The following BCOR variants were observed in gnomAD, a reference collection of about 807,000 sequenced individuals.
BCOR encodes BCL6 corepressor.
A neutral mutation model predicts 86.7 loss-of-function variants in BCOR; 10 were observed. The observed-to-expected ratio is 0.12, with a 90% confidence interval of 0.07 to 0.20. The LOEUF is 0.20. Among genes scored for constraint, BCOR ranks in the 10% least tolerant of loss-of-function variants. The probability of loss-of-function intolerance (pLI) is 1.00; values close to 1 mark genes in which losing one functional copy is unlikely to be tolerated. For synonymous variants in BCOR, 611 were observed against 609.0 expected (o/e 1.00, Z -0.05); for missense variants, 1,259 against 1,452.1 (o/e 0.87, Z 2.16).
intron 2 of BCOR, 148 bp from the exon 3 acceptor site, chrX:40,076,680 T>C: frequency 2.2e-6 from 1 of 462,081 alleles, no homozygotes. Context: ...ATGGCCCATA[T>C]TGAAAGTCGC....
At position 40,107,025 on chromosome X, in the gene BCOR, G is replaced by A. The variant is rs1434912470; in HGVS notation, c.-40-29056C>T. 2.7e-5 allele frequency among the ~76,000 whole-genome samples: 3 copies of A among 112,059 alleles called. No homozygotes were observed. In the East Asian group the frequency reaches 8.4e-4, roughly 31 times the overall value. On this transcript the variant is annotated intron_variant, in intron 1 of 14. Coordinates refer to the BCOR transcript ENST00000342274. ...CGAGGTTTTGGCACTCGATGACCTT[G>A]CTCCCTGCAGCCCCGACTTACCTCT...
chrX:40,102,588 G>C (rs916055697), upstream of BCOR, among the ~76,000 whole-genome samples: 3 of 113,944 alleles, frequency 2.6e-5, no homozygotes, highest in Non-Finnish European at 5.6e-5. Flanking sequence ...GAACCGCCGG[G>C]AGAGGGGGCG....
At position 40,073,086 on chromosome X, in the gene BCOR, G is replaced by A. The variant is rs373753191; in HGVS notation, c.2260C>T (p.Arg754Cys). The change falls in exon 4 of 15, where the codon CGT becomes TGT. Residue 754 changes from arginine (R) to cysteine (C), a missense_variant. Coordinates refer to ENST00000378444, the MANE Select transcript of BCOR (RefSeq NM_001123385.2). ...ERRSRSHERARYEDPTLRNRF... is the reference protein window; with the variant it reads ...ERRSRSHERACYEDPTLRNRF... ...TTCCGGAGGGTTGGGTCCTCGTAACGGGCTCTCTCATGGGACCGGGATCTC... is the reference window on the plus strand; with the variant it reads ...TTCCGGAGGGTTGGGTCCTCGTAACAGGCTCTCTCATGGGACCGGGATCTC... 5 of 1,210,257 alleles carry A rather than the reference G, an allele frequency of 4.1e-6. No individual in the cohort carries two copies. Among genetic ancestry groups the A allele is most frequent in the African/African-American group, 3.5e-5 (2 of 57,211 alleles).
intron 1 of BCOR, among the ~76,000 whole-genome samples, chrX:40,116,969 C>G (rs952691949): frequency 9.0e-6 from 1 of 111,401 alleles, no homozygotes; most frequent in African/African-American, 3.3e-5. Flanking sequence ...AGTGGATGCC[C>G]CCATCGGTTC....
intron 1 of BCOR, among the ~76,000 whole-genome samples, chrX:40,079,513 G>A (rs763606430): frequency 1.8e-5 from 2 of 111,744 alleles, no homozygotes; most frequent in East Asian, 5.6e-4. Flanking sequence ...ATAGAACAAC[G>A]TCTGTTAACC....
intron 1 of BCOR, among the ~76,000 whole-genome samples, chrX:40,152,566 C>T (rs1938190403): frequency 8.8e-6 from 1 of 113,078 alleles, no homozygotes; most frequent in South Asian, 3.6e-4. Context: ...CCCGCCCGGG[C>T]TGGGAACCTC....
At chrX:40,132,743 C>G (rs1236504238) in intron 1 of BCOR, among the ~76,000 whole-genome samples, 1 of 112,611 alleles carries the variant, frequency 8.9e-6, no homozygotes, top group Non-Finnish European at 1.9e-5. Context: ...CAAACCTGGT[C>G]TCTCAGAATC....
At chrX:40,118,109 C>A (rs1407940657) in intron 1 of BCOR, among the ~76,000 whole-genome samples, 1 of 107,050 alleles carries the variant, frequency 9.3e-6, no homozygotes, top group Non-Finnish European at 1.9e-5. Context: ...AGGCAAGGAC[C>A]CCCCCTTTCA....
At chrX:40,109,597 C>T (rs1937262407) in intron 1 of BCOR, among the ~76,000 whole-genome samples, 1 of 110,978 alleles carries the variant, frequency 9.0e-6, no homozygotes, top group South Asian at 3.6e-4. Flanking sequence ...GGCTGCCACC[C>T]TCCGGGGCCC....
At chrX:40,110,661 C>CT (rs1569182584) in intron 1 of BCOR, among the ~76,000 whole-genome samples, 3 of 24,672 alleles carry the variant, frequency 1.2e-4, no homozygotes, top group East Asian at 4.7e-3. Flanking sequence ...TTCTTTTTTC[C>CT]TTTTTCTTTT....
At chrX:40,056,282 A>T (rs953031034) in intron 11 of BCOR, among the ~76,000 whole-genome samples, 1 of 50,284 alleles carries the variant, frequency 2.0e-5, no homozygotes, top group African/African-American at 7.6e-5. Context: ...GTCACACATT[A>T]AAAAAAAAAA....
rs546960508 is a variant in BCOR at position 40,110,667 on chromosome X, C to CTTTTTTTTTTTTTTTTTTTTTTTTTTT, written c.-40-32725_-40-32699dup. 1.0e-4 allele frequency among the ~76,000 whole-genome samples: 3 copies of CTTTTTTTTTTTTTTTTTTTTTTTTTTT among 29,549 alleles called. 1 individual carries two copies. Among genetic ancestry groups the CTTTTTTTTTTTTTTTTTTTTTTTTTTT allele is most frequent in the African/African-American group, 2.2e-4 (2 of 8,910 alleles). 25.7% of individuals were successfully genotyped at this position (29,549 alleles called of 115,157 possible). A position where few individuals can be genotyped will look rare whatever the true frequency, so the allele number is the denominator to read the frequency against. ...TTCTTTTTTTTCTTTTTTCCTTTTTCTTTTTTTTTTTTTTTTTTTTTTTTT... is the reference window on the plus strand; with the variant it reads ...TTCTTTTTTTTCTTTTTTCCTTTTTCTTTTTTTTTTTTTTTTTTTTTTTTTTTTTTTTTTTTTTTTTTTTTTTTTTTT... On this transcript the variant is annotated intron_variant, in intron 1 of 14. Coordinates refer to the BCOR transcript ENST00000342274.
At chrX:40,064,021 C>A in intron 7 of BCOR, 69 bp from the exon 8 acceptor site, 1 of 482,963 alleles carries the variant, frequency 2.1e-6, no homozygotes, top group Non-Finnish European at 3.3e-6. Flanking sequence ...TTACGCATCA[C>A]TAATGGGGTG....
At position 40,167,123 on chromosome X, in the gene BCOR, C is replaced by T. The variant is rs537237403; in HGVS notation, c.-41+9884G>A. Among the ~76,000 whole-genome samples, 68 of 112,431 alleles carry T rather than the reference C, an allele frequency of 6.0e-4. No homozygotes were observed. The South Asian group carries it at 0.025, about 41-fold the overall frequency. The stretch of plus-strand genomic sequence containing the variant: ...CATCTACCTTCTCCACTGCTCTTCT[C>T]CCTCGGAGGAAGTTAAAATAGGCTT... On this transcript the variant is annotated intron_variant, in intron 1 of 14. Coordinates refer to the BCOR transcript ENST00000342274.
intron 1 of BCOR, among the ~76,000 whole-genome samples, chrX:40,128,166 A>G (rs945832301): frequency 2.0e-4 from 22 of 111,432 alleles, no homozygotes; most frequent in African/African-American, 6.9e-4. Context: ...AGGAAGTTGT[A>G]GTGAGCTGAG....
intron 1 of BCOR, among the ~76,000 whole-genome samples, chrX:40,120,348 GCTT>G (rs1404479318): frequency 9.0e-6 from 1 of 111,055 alleles, no homozygotes; most frequent in Non-Finnish European, 1.9e-5. Context: ...CCTTAAAACT[GCTT>G]CTTCTCCCTG....
Position 40,077,980 on chromosome X carries a change from G to T in BCOR, c.-40-11C>A. 1 of 1,084,719 alleles carries T rather than the reference G, an allele frequency of 9.2e-7. No individual in the cohort carries two copies. The highest frequency in any genetic ancestry group is 1.3e-6 in the Non-Finnish European group (1 of 780,241). 89.4% of individuals were successfully genotyped at this position (1,084,719 alleles called of 1,213,427 possible). On this transcript the variant is annotated splice_polypyrimidine_tract_variant and intron_variant, in intron 1 of 14. Coordinates refer to ENST00000378444, the MANE Select transcript of BCOR (RefSeq NM_001123385.2). ...CTTCAAGCGTCTAGTCTGTTAAAAGGAAAGAAAAAAAATCCCAGGAGGTTC... is the reference window on the plus strand; with the variant it reads ...CTTCAAGCGTCTAGTCTGTTAAAAGTAAAGAAAAAAAATCCCAGGAGGTTC...
intron 6 of BCOR, among the ~76,000 whole-genome samples, chrX:40,069,481 G>A (rs774635791): frequency 8.9e-6 from 1 of 112,454 alleles, no homozygotes; most frequent in African/African-American, 3.2e-5. Flanking sequence ...AGATGTGAAC[G>A]GAGGGTCTGG....
intron 2 of BCOR, chrX:40,077,037 C>T (rs769257713): frequency 9.3e-5 from 24 of 256,947 alleles, no homozygotes; most frequent in Non-Finnish European, 1.5e-4. Context: ...CCATGTCCTA[C>T]GAAACTGGTT....
Sources: allele counts gnomAD v4.1 joint callset (sites outside exome capture counted in the v4.1 genomes callset), GRCh38; gene constraint gnomAD v4.1.1; transcripts MANE v1.5; gene names NCBI Gene and HGNC (gene_info 2026-07-23, HGNC 2026-07-21).